The following CELF2 variants were observed in gnomAD, a reference collection of about 807,000 sequenced individuals.
CELF2 encodes CUGBP Elav-like family member 2.
CELF2 carries 8 observed loss-of-function variants against 62.6 expected under a neutral mutation model. That is an observed-to-expected ratio of 0.13 (90% confidence interval 0.07 to 0.23). The LOEUF (loss-of-function observed/expected upper bound fraction) is 0.23. Among genes scored for constraint, CELF2 ranks in the 10% least tolerant of loss-of-function variants. The pLI, the probability that CELF2 is intolerant of heterozygous loss-of-function variation, is 1.00. For missense variants in CELF2, 333 were observed against 671.0 expected (o/e 0.50, Z 5.56); for synonymous variants, 258 against 250.0 (o/e 1.03, Z -0.30).
chr10:10,555,200 A>G, the CELF2 span, among the ~76,000 whole-genome samples: 1 of 152,290 alleles, frequency 6.6e-6, no homozygotes, highest in East Asian at 1.9e-4. Flanking sequence ...ATTATGAACA[A>G]TTAGGCAACC....
In CELF2 at chr10:11,087,204, G is replaced by A. The variant is rs12569783; in HGVS notation, c.74+69041G>A. Reference sequence around the variant, plus strand: ...TGTTATCTTCCCAGGGTTTATGGACGACCCCAGGAATGCTCTTCATATACC... The same window carrying A: ...TGTTATCTTCCCAGGGTTTATGGACAACCCCAGGAATGCTCTTCATATACC... On this transcript the variant is annotated intron_variant, in intron 1 of 12. Coordinates refer to ENST00000633077, the MANE Select transcript of CELF2 (RefSeq NM_001326342.2). Among the ~76,000 whole-genome samples the A allele has an allele frequency of 4.1e-4, 63 of 152,230 alleles. No individual in the cohort carries two copies. The East Asian group carries it at 0.011, about 27-fold the overall frequency.
intron 1 of CELF2, among the ~76,000 whole-genome samples, chr10:11,121,924 G>A (rs1179528743): frequency 6.6e-6 from 1 of 152,126 alleles, no homozygotes; most frequent in Non-Finnish European, 1.5e-5. Flanking sequence ...CTCAAGAAAG[G>A]GCTCAGTGCA....
intron 1 of CELF2, among the ~76,000 whole-genome samples, chr10:10,904,909 T>C (rs1433932272): frequency 6.6e-6 from 1 of 152,198 alleles, no homozygotes; most frequent in Non-Finnish European, 1.5e-5. Context: ...GAGTGGGACT[T>C]TTTTCTTAGA....
chr10:10,693,376 G>A, the CELF2 span, among the ~76,000 whole-genome samples: 1 of 138,186 alleles, frequency 7.2e-6, no homozygotes, highest in African/African-American at 2.7e-5. Flanking sequence ...GATCATGGTG[G>A]ATAAGCTTTT....
the CELF2 span, among the ~76,000 whole-genome samples, chr10:10,691,383 C>T: frequency 6.8e-5 from 10 of 147,562 alleles, no homozygotes; most frequent in African/African-American, 2.3e-4. Context: ...ATATGTGCCA[C>T]ATTTTCTTAA....
intron 2 of CELF2, among the ~76,000 whole-genome samples, chr10:11,180,570 C>G (rs182312458): frequency 6.6e-6 from 1 of 152,266 alleles, no homozygotes; most frequent in South Asian, 2.1e-4. Context: ...GACGCTATCT[C>G]CCAGTGACAG....
intron 1 of CELF2, among the ~76,000 whole-genome samples, chr10:11,037,617 TA>T (rs1439369334): frequency 7.2e-5 from 11 of 152,190 alleles, no homozygotes; most frequent in African/African-American, 2.7e-4. Flanking sequence ...GTCAACAGTT[TA>T]TTAAGAGTGT....
intron 2 of CELF2, among the ~76,000 whole-genome samples, chr10:11,167,200 G>A (rs1265553613): frequency 6.6e-6 from 1 of 152,178 alleles, no homozygotes; most frequent in Non-Finnish European, 1.5e-5. Flanking sequence ...TTTCCAAATG[G>A]AGAAGACTAG....
the CELF2 span, among the ~76,000 whole-genome samples, chr10:10,722,877 G>A: frequency 4.6e-5 from 7 of 152,188 alleles, no homozygotes; most frequent in African/African-American, 1.7e-4. Context: ...CAGCAATACT[G>A]AGATTTCAGA....
At chr10:10,907,006 G>A (rs1028556451) in intron 1 of CELF2, among the ~76,000 whole-genome samples, 5 of 151,958 alleles carry the variant, frequency 3.3e-5, no homozygotes, top group African/African-American at 1.2e-4. Flanking sequence ...CATGAGCCAC[G>A]AGAACGTACC....
At position 11,280,601 on chromosome 10, in the gene CELF2, T is replaced by C. The variant is rs1446113933; in HGVS notation, c.841+5481T>C. ...GGGGCCAAGACAGTCCCCACGCTCT[T>C]CTCGCCCCGGGTTATTACTGTGGTG... On this transcript the variant is annotated intron_variant, in intron 8 of 12. Transcript: ENST00000633077. The surrounding 1 kb of genome is among the most constrained non-coding windows in gnomAD (Gnocchi z 7.6). Among the ~76,000 whole-genome samples the C allele has an allele frequency of 6.6e-6, 1 of 152,168 alleles. No individual in the cohort carries two copies. Among genetic ancestry groups the C allele is most frequent in the Non-Finnish European group, 1.5e-5 (1 of 68,022 alleles).
At chr10:11,166,143 T>C (rs1413751588) in intron 2 of CELF2, among the ~76,000 whole-genome samples, 1 of 152,212 alleles carries the variant, frequency 6.6e-6, no homozygotes, top group East Asian at 1.9e-4. Flanking sequence ...TTATAAACAG[T>C]TGACGTGATG....
At chr10:10,605,320 G>A in the CELF2 span, among the ~76,000 whole-genome samples, 2 of 152,274 alleles carry the variant, frequency 1.3e-5, no homozygotes, top group South Asian at 2.1e-4. Flanking sequence ...CCTAATGGAT[G>A]CTGGGCTTAA....
At chr10:10,685,374 T>C in the CELF2 span, among the ~76,000 whole-genome samples, 3 of 152,228 alleles carry the variant, frequency 2.0e-5, no homozygotes, top group Non-Finnish European at 4.4e-5. Context: ...AGCTGCCAAA[T>C]GATGAATCAA....
the CELF2 span, among the ~76,000 whole-genome samples, chr10:10,619,004 G>A: frequency 6.6e-6 from 1 of 151,546 alleles, no homozygotes; most frequent in Admixed American, 6.6e-5. Context: ...TGCAGTTAGG[G>A]TCTCTACCTG....
chr10:11,105,661 A>G (rs2053210449), intron 1 of CELF2, among the ~76,000 whole-genome samples: 4 of 152,172 alleles, frequency 2.6e-5, no homozygotes, highest in Admixed American at 2.6e-4. Flanking sequence ...CTCAATGTAA[A>G]TGTTCTCCTC....
At chr10:10,654,950 G>C in the CELF2 span, among the ~76,000 whole-genome samples, 1 of 143,288 alleles carries the variant, frequency 7.0e-6, no homozygotes, top group East Asian at 2.0e-4. Flanking sequence ...CAGACGACAT[G>C]ATTGTATATC....
At position 11,005,335 on chromosome 10, in the gene CELF2, A is replaced by G; in HGVS notation, c.-53A>G. The G allele has an allele frequency of 6.2e-7, 1 of 1,611,750 alleles. No homozygotes were observed. Among genetic ancestry groups the G allele is most frequent in the Non-Finnish European group, 8.5e-7 (1 of 1,178,844 alleles). On this transcript the variant is annotated 5_prime_UTR_variant, in exon 1 of 13. Coordinates refer to the CELF2 transcript ENST00000416382. The surrounding 1 kb of genome is among the most constrained non-coding windows in gnomAD (Gnocchi z 4.3). ...TTAGTGAGCAGCGACTGTGGCATTG[A>G]TGTTTGAGCATACTTCTGAACTGGC...
chr10:11,069,518 C>T (rs1355182657), intron 1 of CELF2, among the ~76,000 whole-genome samples: 1 of 152,198 alleles, frequency 6.6e-6, no homozygotes, highest in South Asian at 2.1e-4. Context: ...CTTCATCATG[C>T]AACATTTTGC....
Sources: gnomAD v4.1 joint callset for allele counts (sites outside exome capture counted in the v4.1 genomes callset) on GRCh38, gnomAD v4.1.1 for gene constraint, Gnocchi (gnomAD v3.1) non-coding constraint, MANE v1.5 for transcripts, NCBI Gene and HGNC (gene_info 2026-07-23, HGNC 2026-07-21) for gene names.